Variants in C16orf89 observed in about 807,000 individuals in gnomAD.
C16orf89 encodes the protein chromosome 16 open reading frame 89.
In C16orf89, 57 loss-of-function variants were observed where a neutral mutation model predicts 41.5. The ratio of observed to expected loss-of-function variants is 1.38; its 90% CI spans 1.11 to 1.71. C16orf89 has a LOEUF of 1.71. Among genes scored for constraint, C16orf89 ranks in the 40% most tolerant of loss-of-function variants. The probability of loss-of-function intolerance (pLI) is 0.00; values close to 1 mark genes in which losing one functional copy is unlikely to be tolerated. For synonymous variants in C16orf89, 223 were observed against 190.6 expected, an observed-to-expected ratio of 1.17 and a Z score of -1.40; for missense variants, 575 against 445.9, an observed-to-expected ratio of 1.29 and a Z score of -2.61.
chr16:5,057,246 A>AG (rs1253687787), intron 4 of C16orf89, among the ~76,000 whole-genome samples: 1 of 147,746 alleles, frequency 6.8e-6, no homozygotes, highest in Non-Finnish European at 1.5e-5. Flanking sequence ...CAAAAAAAAA[A>AG]AAAGAAGGAA....
Position 5,062,571 on chromosome 16 carries a change from T to A in C16orf89, c.212A>T (p.Gln71Leu). The change falls in exon 2 of 8, where the codon CAG (glutamine) becomes CTG (leucine). Residue 71 changes from glutamine (Q) to leucine (L), a missense_variant. Transcript: ENST00000472572. Reference sequence around the variant, plus strand: ...CCACTTCTCCCGGACACTTTTTAGCTGCTCTGGAAGGGAACAGAGTTAATT... The same window carrying A: ...CCACTTCTCCCGGACACTTTTTAGCAGCTCTGGAAGGGAACAGAGTTAATT... ...GMVGVRVLEE[Q>L]LKSVREKWAQ... The A allele has an allele frequency of 6.2e-7, 1 of 1,608,776 alleles. No individual in the cohort carries two copies. The highest frequency in any genetic ancestry group is 1.1e-5 in the South Asian group (1 of 90,468).
intron 7 of C16orf89, among the ~76,000 whole-genome samples, chr16:5,046,516 A>G (rs557555253): frequency 6.6e-6 from 1 of 151,824 alleles, no homozygotes; most frequent in East Asian, 1.9e-4. Context: ...ACGCCTGGCT[A>G]ATTTTTGCAT....
In C16orf89 at chr16:5,062,583, G is replaced by T; in HGVS notation, c.209-9C>A. On this transcript the variant is annotated splice_polypyrimidine_tract_variant and intron_variant, in intron 1 of 7. Coordinates refer to ENST00000472572, the MANE Select transcript of C16orf89 (RefSeq NM_001098514.3). Reference sequence around the variant, plus strand: ...GACACTTTTTAGCTGCTCTGGAAGGGAACAGAGTTAATTCATTCAACTATT... The same window carrying T: ...GACACTTTTTAGCTGCTCTGGAAGGTAACAGAGTTAATTCATTCAACTATT... 6.3e-7 allele frequency: 1 copy of T among 1,590,526 alleles called. No homozygotes were observed. Among genetic ancestry groups the T allele is most frequent in the Non-Finnish European group, 8.5e-7 (1 of 1,170,094 alleles).
At chr16:5,056,620 T>G (rs1237788158) in intron 4 of C16orf89, among the ~76,000 whole-genome samples, 1 of 151,918 alleles carries the variant, frequency 6.6e-6, no homozygotes, top group African/African-American at 2.4e-5. Flanking sequence ...GCAGCTTCAG[T>G]GCTACTCAAA....
chr16:5,044,761 T>C (rs1172945522), intron 7 of C16orf89: 2 of 1,104,970 alleles, frequency 1.8e-6, no homozygotes, highest in Non-Finnish European at 2.4e-6. Context: ...AGAGAATTGC[T>C]TGAACCCAGG....
At chr16:5,056,229 C>T (rs369165621) in intron 4 of C16orf89, 41 bp from the exon 5 acceptor site, 6 of 1,550,602 alleles carry the variant, frequency 3.9e-6, no homozygotes, top group Non-Finnish European at 4.4e-6. Flanking sequence ...GTCAGTGGTA[C>T]AGATGACAGA....
At chr16:5,058,462 C>G (rs777154862) in intron 4 of C16orf89, 31 bp downstream of exon 4, 1 of 1,550,812 alleles carries the variant, frequency 6.4e-7, no homozygotes, top group Non-Finnish European at 8.9e-7. Context: ...TCCCCTTCCC[C>G]TGGCACGGCG....
At chr16:5,060,134 A>G in intron 3 of C16orf89, 152 bp downstream of exon 3, 2 of 903,070 alleles carry the variant, frequency 2.2e-6, no homozygotes, top group Non-Finnish European at 1.6e-6. Flanking sequence ...GGAGTAGGAG[A>G]GGGCAGTACC....
At chr16:5,046,835 A>G (rs1213943874) in intron 7 of C16orf89, among the ~76,000 whole-genome samples, 1 of 152,066 alleles carries the variant, frequency 6.6e-6, no homozygotes, top group Non-Finnish European at 1.5e-5. Flanking sequence ...TACATTGGCC[A>G]ACTGACCATA....
intron 7 of C16orf89, among the ~76,000 whole-genome samples, chr16:5,045,219 T>C (rs1488050945): frequency 6.6e-6 from 1 of 152,176 alleles, no homozygotes; most frequent in Non-Finnish European, 1.5e-5. Flanking sequence ...GTGTAAGACC[T>C]TCTGAGATGG....
chr16:5,049,822 A>C (rs969235407), intron 6 of C16orf89, among the ~76,000 whole-genome samples: 1 of 152,180 alleles, frequency 6.6e-6, no homozygotes, highest in Admixed American at 6.5e-5. Context: ...ATCAAGCCCC[A>C]AATTAGTAGA....
chr16:5,057,554 C>CAT (rs199612680), intron 4 of C16orf89, among the ~76,000 whole-genome samples: 85 of 148,684 alleles, frequency 5.7e-4, no homozygotes, highest in Middle Eastern at 3.5e-3. Flanking sequence ...TAGAGAGCGG[C>CAT]ATATATATAT....
chr16:5,056,498 C>T (rs975492253), intron 4 of C16orf89, among the ~76,000 whole-genome samples: 2 of 152,136 alleles, frequency 1.3e-5, no homozygotes, highest in East Asian at 1.9e-4. Context: ...GAGGGGCTCT[C>T]GTAGGGGGAT....
chr16:5,051,911 C>G (rs917288740), intron 6 of C16orf89, among the ~76,000 whole-genome samples: 2 of 151,830 alleles, frequency 1.3e-5, no homozygotes, highest in African/African-American at 2.4e-5. Flanking sequence ...ACCAGCTTGG[C>G]CAACATGTAG....
chr16:5,055,082 C>A (rs984016760), intron 6 of C16orf89, among the ~76,000 whole-genome samples, 164 bp downstream of exon 6: 8 of 152,178 alleles, frequency 5.3e-5, no homozygotes, highest in African/African-American at 1.9e-4. Flanking sequence ...AGGCTCCGAG[C>A]CCGTTTCTCC....
At chr16:5,060,121 G>A (rs891068977) in intron 3 of C16orf89, 165 bp downstream of exon 3, 1 of 803,500 alleles carries the variant, frequency 1.2e-6, no homozygotes, top group East Asian at 3.1e-5. Flanking sequence ...GGGGGACCCT[G>A]CTGGAGTAGG....
At chr16:5,058,966 G>A (rs1334444607) in intron 3 of C16orf89, among the ~76,000 whole-genome samples, 5 of 152,066 alleles carry the variant, frequency 3.3e-5, no homozygotes, top group South Asian at 2.1e-4. Flanking sequence ...CCAGCCAGGC[G>A]CGGTGGCTTA....
chr16:5,045,578 C>T (rs548781373), intron 7 of C16orf89, among the ~76,000 whole-genome samples: 23 of 152,108 alleles, frequency 1.5e-4, no homozygotes, highest in African/African-American at 5.5e-4. Context: ...TTCAAGGTGC[C>T]GAATGACTAA....
In C16orf89 at chr16:5,055,443, C is replaced by A. The variant is rs954709539; in HGVS notation, c.764-93G>T. On this transcript the variant is annotated intron_variant, in intron 5 of 7. Transcript: ENST00000472572. ...CTGCCACGGTGCCACCTGCCTTCAT[C>A]TGCCTGGGTTAGGCTTAGGAGGTGG... The A allele has an allele frequency of 3.3e-6, 4 of 1,209,762 alleles. No individual in the cohort carries two copies. The African/African-American group carries it at 6.0e-5, about 18-fold the overall frequency. The allele number at this position is 1,209,762 out of a possible 1,614,324, so 74.9% of individuals were successfully genotyped here. A position where few individuals can be genotyped will look rare whatever the true frequency, so the allele number is the denominator to read the frequency against.
Sources: gnomAD v4.1 joint callset for allele counts (sites outside exome capture counted in the v4.1 genomes callset) on GRCh38, gnomAD v4.1.1 for gene constraint, MANE v1.5 for transcripts, NCBI Gene and HGNC (gene_info 2026-07-23, HGNC 2026-07-21) for gene names.